Variants in FOXN3 observed in about 807,000 individuals in gnomAD.
The protein encoded by FOXN3 is forkhead box protein N3.
Under a neutral mutation model 38.4 loss-of-function variants are expected in FOXN3, and 7 were observed. The observed-to-expected ratio is 0.18, with a 90% CI of 0.10 to 0.34. FOXN3 has a LOEUF of 0.34. Ranked by LOEUF, FOXN3 falls within the 10% of genes least tolerant of loss-of-function variation. FOXN3 has a pLI of 1.00. For missense variants in FOXN3, 456 were observed against 613.4 expected, an observed-to-expected ratio of 0.74 and a Z score of 2.71; for synonymous variants, 230 against 242.2, an observed-to-expected ratio of 0.95 and a Z score of 0.47.
intron 1 of FOXN3, among the ~76,000 whole-genome samples, chr14:89,424,109 T>G (rs941065486): frequency 5.9e-5 from 9 of 152,214 alleles, no homozygotes; most frequent in African/African-American, 2.2e-4. Context: ...TCACAAAAAC[T>G]TGGAAATTGC....
chr14:89,389,512 C>T (rs962420895), intron 2 of FOXN3, among the ~76,000 whole-genome samples: 50 of 152,210 alleles, frequency 3.3e-4, no homozygotes, highest in Admixed American at 3.2e-3. Context: ...AGGAGAATTA[C>T]GCTCTTTCTA....
At chr14:89,517,354 T>TAAAAAA (rs57430361) in intron 1 of FOXN3, among the ~76,000 whole-genome samples, 3 of 129,460 alleles carry the variant, frequency 2.3e-5, no homozygotes, top group African/African-American at 5.9e-5. Context: ...GACCCTGTCT[T>TAAAAAA]AAAAAAAAAA....
chr14:89,463,936 C>T (rs1432733931), intron 1 of FOXN3, among the ~76,000 whole-genome samples: 4 of 150,884 alleles, frequency 2.7e-5, no homozygotes, highest in Admixed American at 2.6e-4. Flanking sequence ...AGGCACATGC[C>T]ACCACACCCA....
In FOXN3 at chr14:89,479,509, G is replaced by A. The variant is rs187234715; in HGVS notation, c.-14-67019C>T. Among the ~76,000 whole-genome samples the A allele has an allele frequency of 1.5e-4, 23 of 152,144 alleles. No homozygotes were observed. The East Asian group carries it at 4.1e-3, about 27-fold the overall frequency. On this transcript the variant is annotated intron_variant, in intron 1 of 6. Transcript: ENST00000345097. ...TCTCCAGAATCCCAGAGCTGTAGTCGGTGGTGGCGGTGTGATGAACGCTGG... is the reference window on the plus strand; with the variant it reads ...TCTCCAGAATCCCAGAGCTGTAGTCAGTGGTGGCGGTGTGATGAACGCTGG...
chr14:89,347,657 G>C (rs1377151415), intron 3 of FOXN3, among the ~76,000 whole-genome samples: 1 of 152,252 alleles, frequency 6.6e-6, no homozygotes, highest in Non-Finnish European at 1.5e-5. Context: ...GGGCACTTTA[G>C]AAAACAGAGG....
chr14:89,288,124 G>A (rs1347539080), intron 3 of FOXN3, among the ~76,000 whole-genome samples: 2 of 152,020 alleles, frequency 1.3e-5, no homozygotes, highest in East Asian at 1.9e-4. Context: ...ATGGGCACGC[G>A]ATCAAGAGAC....
chr14:89,617,156 C>G (rs1299209156), intron 1 of FOXN3, among the ~76,000 whole-genome samples: 1 of 152,144 alleles, frequency 6.6e-6, no homozygotes, highest in African/African-American at 2.4e-5. Context: ...CAATCCACTT[C>G]CTGTGTCTAA....
intron 1 of FOXN3, among the ~76,000 whole-genome samples, chr14:89,555,838 G>GGTGTTTGT (rs1895104220): frequency 1.1e-5 from 1 of 89,620 alleles, no homozygotes; most frequent in Non-Finnish European, 2.8e-5. Flanking sequence ...TCTAGTTCAT[G>GGTGTTTGT]GTGTGTGTGT....
At chr14:89,394,194 A>G (rs1415061500) in intron 2 of FOXN3, among the ~76,000 whole-genome samples, 1 of 148,468 alleles carries the variant, frequency 6.7e-6, no homozygotes, top group Admixed American at 6.7e-5. Flanking sequence ...CAACACCACC[A>G]CAATGGGGAT....
intron 3 of FOXN3, among the ~76,000 whole-genome samples, chr14:89,340,021 C>G (rs758250700): frequency 2.0e-5 from 3 of 151,880 alleles, no homozygotes; most frequent in Non-Finnish European, 4.4e-5. Flanking sequence ...GCTCTCCTTA[C>G]AGTTAAAACA....
At chr14:89,598,074 T>A (rs1042666762) in intron 1 of FOXN3, among the ~76,000 whole-genome samples, 1 of 152,190 alleles carries the variant, frequency 6.6e-6, no homozygotes, top group African/African-American at 2.4e-5. Context: ...TCTGTCATCA[T>A]TCTTTTAAAG....
At chr14:89,423,136 G>T (rs1180411769) in intron 1 of FOXN3, among the ~76,000 whole-genome samples, 1 of 152,176 alleles carries the variant, frequency 6.6e-6, no homozygotes, top group Non-Finnish European at 1.5e-5. Context: ...GGAGGAGTAG[G>T]TCTATGAGCA....
intron 2 of FOXN3, among the ~76,000 whole-genome samples, chr14:89,391,761 T>G (rs1183594880): frequency 6.6e-6 from 1 of 152,084 alleles, no homozygotes; most frequent in African/African-American, 2.4e-5. Context: ...TCCTGGCACT[T>G]TGGGAGGCCG....
chr14:89,599,854 A>C (rs919739989), intron 1 of FOXN3, among the ~76,000 whole-genome samples: 1 of 152,156 alleles, frequency 6.6e-6, no homozygotes. Context: ...TTTTCACAGG[A>C]CCTAAATACA....
intron 5 of FOXN3, among the ~76,000 whole-genome samples, chr14:89,175,936 A>C (rs545421223): frequency 2.0e-4 from 30 of 152,302 alleles, no homozygotes; most frequent in Middle Eastern, 3.4e-3. Context: ...CCTCCTTCCC[A>C]AGAAGGCCAG....
chr14:89,165,659 T>G (rs368508732), intron 5 of FOXN3, among the ~76,000 whole-genome samples: 2 of 152,238 alleles, frequency 1.3e-5, no homozygotes, highest in Admixed American at 6.5e-5. Context: ...AAGATTACTT[T>G]GAGGTGTCAC....
intron 3 of FOXN3, among the ~76,000 whole-genome samples, chr14:89,342,404 A>T (rs1337253874): frequency 1.3e-5 from 2 of 152,258 alleles, no homozygotes; most frequent in Admixed American, 1.3e-4. Flanking sequence ...TATAATGAAC[A>T]GCATACCGAA....
intron 1 of FOXN3, among the ~76,000 whole-genome samples, chr14:89,605,411 CT>C (rs1340942608): frequency 6.6e-6 from 1 of 151,668 alleles, no homozygotes; most frequent in African/African-American, 2.4e-5. Context: ...GAGAATAAAA[CT>C]TCCAAACTAC....
chr14:89,205,075 G>A (rs956436814), intron 4 of FOXN3, among the ~76,000 whole-genome samples: 2 of 147,214 alleles, frequency 1.4e-5, no homozygotes, highest in African/African-American at 5.4e-5. Flanking sequence ...ATTAAGAATG[G>A]CTACATCCCT....
Sources: gnomAD v4.1 joint callset for allele counts (sites outside exome capture counted in the v4.1 genomes callset) on GRCh38, gnomAD v4.1.1 for gene constraint, MANE v1.5 for transcripts, NCBI Gene and HGNC (gene_info 2026-07-23, HGNC 2026-07-21) for gene names.